The following PAPPA variants were observed in gnomAD, a reference collection of about 807,000 sequenced individuals.
The protein encoded by PAPPA is pappalysin 1.
In PAPPA, 60 loss-of-function variants were observed where a neutral mutation model predicts 164.0. The observed-to-expected ratio is 0.37, with a 90% CI of 0.30 to 0.45. The LOEUF is 0.45. PAPPA is among the 20% of genes least tolerant of loss of function. The pLI, the probability that PAPPA is intolerant of heterozygous loss-of-function variation, is 1.00. For missense variants in PAPPA, 1,782 were observed against 2,087.3 expected (o/e 0.85, Z 2.85); for synonymous variants, 875 against 814.1 (o/e 1.07, Z -1.27).
At chr9:116,256,149 A>G (rs1001035402) in intron 7 of PAPPA, among the ~76,000 whole-genome samples, 3 of 152,146 alleles carry the variant, frequency 2.0e-5, no homozygotes, top group Middle Eastern at 3.4e-3. Flanking sequence ...TCTGAAAATT[A>G]AAAACATGAA....
At chr9:116,373,332 G>A (rs1846600872) in intron 19 of PAPPA, 1 of 151,952 alleles carries the variant, frequency 6.6e-6, no homozygotes. Flanking sequence ...TCAAACACTA[G>A]GAATACGAAG....
chr9:116,400,003 T>C lies in PAPPA; in HGVS notation c.*3387T>C, dbSNP rs1045929451. On this transcript the variant is annotated 3_prime_UTR_variant, in exon 22 of 22. Coordinates refer to ENST00000328252, the MANE Select transcript of PAPPA (RefSeq NM_002581.5). ...GGTTGTAATTGTCAATTTGTTGTTATAGGTCTTACCTGTGTGAAAGAAAGA... is the reference window on the plus strand; with the variant it reads ...GGTTGTAATTGTCAATTTGTTGTTACAGGTCTTACCTGTGTGAAAGAAAGA... The C allele has an allele frequency of 5.9e-5, 9 of 152,470 alleles. No homozygotes were observed. Among genetic ancestry groups the C allele is most frequent in the African/African-American group, 1.9e-4 (8 of 41,400 alleles). The allele number at this position is 152,470 out of a possible 1,614,324, so 9.4% of individuals were successfully genotyped here.
intron 1 of PAPPA, among the ~76,000 whole-genome samples, chr9:116,186,060 C>T (rs901451708): frequency 1.3e-5 from 2 of 152,088 alleles, no homozygotes; most frequent in South Asian, 2.1e-4. Context: ...AATGTCACCA[C>T]CTTAGGGATA....
chr9:116,191,219 G>A (rs988638406), intron 2 of PAPPA, among the ~76,000 whole-genome samples: 1 of 152,168 alleles, frequency 6.6e-6, no homozygotes, highest in African/African-American at 2.4e-5. Flanking sequence ...TTTGAGCTGA[G>A]TAATAGATGA....
Position 116,154,498 on chromosome 9 carries a change from G to A in PAPPA, c.326G>A (p.Arg109Gln), listed in dbSNP as rs1843576741. 7.4e-7 allele frequency: 1 copy of A among 1,344,926 alleles called. No homozygotes were observed. Among genetic ancestry groups the A allele is most frequent in the South Asian group, 1.8e-5 (1 of 55,342 alleles). 83.3% of individuals were successfully genotyped at this position (1,344,926 alleles called of 1,614,324 possible). The change falls in exon 1 of 22, where the codon CGG becomes CAG. Residue 109 changes from arginine to glutamine, a missense_variant. By Grantham distance (43) the Arg-to-Gln change is conservative. Around this residue, in one of 2 missense-constraint regions of PAPPA, gnomAD observed 458 missense variants for 430.3 expected, o/e 1.06. Transcript: ENST00000328252. The surrounding 1 kb of genome is among the most constrained non-coding windows in gnomAD (Gnocchi z 5.2). ...FSGRGEQLRL[R>Q]ADLELPRDAF... ...GGGCGAGGCGAGCAGCTGCGCCTCC[G>A]GGCCGACCTCGAGCTGCCCCGGGAC... is the stretch of plus-strand genomic sequence containing the variant.
chr9:116,385,482 T>C (rs1219025371), intron 21 of PAPPA, among the ~76,000 whole-genome samples: 2 of 152,052 alleles, frequency 1.3e-5, no homozygotes, highest in Non-Finnish European at 2.9e-5. Flanking sequence ...ACCGTATACA[T>C]ATATTTGAAC....
chr9:116,268,220 A>G (rs1845094550), intron 8 of PAPPA, among the ~76,000 whole-genome samples: 1 of 152,232 alleles, frequency 6.6e-6, no homozygotes, highest in Admixed American at 6.5e-5. Context: ...GCTATTTAAC[A>G]TACAATGCTG....
At chr9:116,212,419 T>C (rs986485068) in intron 4 of PAPPA, among the ~76,000 whole-genome samples, 4 of 152,174 alleles carry the variant, frequency 2.6e-5, no homozygotes, top group African/African-American at 9.7e-5. Context: ...CCCTTTAGCA[T>C]GGGATACATC....
chr9:116,374,139 G>A (rs1337525741), intron 19 of PAPPA, among the ~76,000 whole-genome samples: 1 of 93,746 alleles, frequency 1.1e-5, no homozygotes, highest in Non-Finnish European at 2.5e-5. Flanking sequence ...AGAAGATGGT[G>A]CAGATGATGG....
intron 4 of PAPPA, among the ~76,000 whole-genome samples, chr9:116,216,943 T>C (rs544186500): frequency 5.3e-5 from 8 of 152,154 alleles, no homozygotes; most frequent in African/African-American, 9.6e-5. Flanking sequence ...GGTTTCACCA[T>C]GTTGGTCAGG....
chr9:116,213,225 A>G (rs555069766), intron 4 of PAPPA, among the ~76,000 whole-genome samples: 5 of 152,276 alleles, frequency 3.3e-5, no homozygotes, highest in African/African-American at 1.2e-4. Flanking sequence ...GTTTTGCCTC[A>G]TTGCATTTGA....
intron 5 of PAPPA, among the ~76,000 whole-genome samples, chr9:116,224,525 T>C (rs561181708): frequency 1.7e-4 from 26 of 152,338 alleles, no homozygotes; most frequent in African/African-American, 6.3e-4. Flanking sequence ...CTCCCAAAGA[T>C]GGTATATAAT....
chr9:116,164,514 T>C (rs935655700), intron 1 of PAPPA, among the ~76,000 whole-genome samples: 1 of 152,168 alleles, frequency 6.6e-6, no homozygotes, highest in Non-Finnish European at 1.5e-5. Flanking sequence ...TAAAAGCTGG[T>C]CAGTAACAAC....
At chr9:116,274,903 G>A (rs1845179083) in intron 9 of PAPPA, among the ~76,000 whole-genome samples, 1 of 152,222 alleles carries the variant, frequency 6.6e-6, no homozygotes, top group South Asian at 2.1e-4. Context: ...ATTAGACTTA[G>A]GGATACTGTA....
chr9:116,200,788 A>G (rs1844163508), intron 2 of PAPPA, among the ~76,000 whole-genome samples: 2 of 152,200 alleles, frequency 1.3e-5, no homozygotes, highest in South Asian at 4.1e-4. Flanking sequence ...GAAAGCAGAA[A>G]AGAATGAATG....
At chr9:116,374,741 C>T (rs1564247062) in intron 19 of PAPPA, among the ~76,000 whole-genome samples, 1 of 152,192 alleles carries the variant, frequency 6.6e-6, no homozygotes, top group South Asian at 2.1e-4. Context: ...CTGTTTTCCA[C>T]TTCTTGAACC....
chr9:116,215,540 A>G (rs1323856207), intron 4 of PAPPA, among the ~76,000 whole-genome samples: 1 of 152,180 alleles, frequency 6.6e-6, no homozygotes, highest in Non-Finnish European at 1.5e-5. Context: ...GGGCTAAATG[A>G]TGAGAACACA....
chr9:116,347,095 G>T lies in PAPPA; in HGVS notation c.3850G>T (p.Asp1284Tyr). The T allele has an allele frequency of 3.7e-6, 6 of 1,614,134 alleles. No homozygotes were observed. Among genetic ancestry groups the T allele is most frequent in the Non-Finnish European group, 5.1e-6 (6 of 1,179,996 alleles). The part of the protein sequence containing the change: ...WNKQVACEPV[D>Y]CSIPDHHQVY... ...TAAGCAGGTGGCCTGTGAGCCAGTC[G>T]ACTGCAGCATCCCAGATCACCATCA... The change falls in exon 15 of 22, where the codon GAC becomes TAC. Residue 1284 changes from aspartate (D) to tyrosine (Y), a missense_variant. By Grantham distance (160) the Asp-to-Tyr change is radical. Coordinates refer to ENST00000328252, the MANE Select transcript of PAPPA (RefSeq NM_002581.5). This position sits in a 1 kb window ranked among gnomAD's most constrained non-coding sequence, Gnocchi z 4.5.
chr9:116,257,634 G>T (rs1351990903), intron 7 of PAPPA, among the ~76,000 whole-genome samples: 1 of 151,904 alleles, frequency 6.6e-6, no homozygotes, highest in African/African-American at 2.4e-5. Context: ...CCCCAGACGC[G>T]GAGCTTGCAG....
Sources: gnomAD v4.1 joint callset for allele counts (sites outside exome capture counted in the v4.1 genomes callset) on GRCh38, gnomAD v4.1.1 for gene constraint, gnomAD v4.1.1 regional missense constraint, Gnocchi (gnomAD v3.1) non-coding constraint, MANE v1.5 for transcripts, NCBI Gene and HGNC (gene_info 2026-07-23, HGNC 2026-07-21) for gene names.